The following CCDC170 variants were observed in gnomAD, a reference collection of about 807,000 sequenced individuals.
CCDC170 encodes coiled-coil domain containing 170.
CCDC170 carries 69 observed loss-of-function variants against 72.6 expected under a neutral mutation model. The ratio of observed to expected loss-of-function variants is 0.95; its 90% CI spans 0.78 to 1.16. The LOEUF is 1.16. Among genes scored for constraint, CCDC170 ranks in the 50% most tolerant of loss-of-function variants. The probability of loss-of-function intolerance (pLI) is 0.00; values close to 1 mark genes in which losing one functional copy is unlikely to be tolerated. For missense variants in CCDC170, 852 were observed against 832.5 expected (o/e 1.02, Z -0.29); for synonymous variants, 300 against 303.9 (o/e 0.99, Z 0.13).
At chr6:151,605,451 T>C (rs1776768929) in intron 9 of CCDC170, among the ~76,000 whole-genome samples, 1 of 152,214 alleles carries the variant, frequency 6.6e-6, no homozygotes, top group Admixed American at 6.5e-5. Context: ...CATTCTGATT[T>C]GGCATTTCCT....
At chr6:151,531,885 C>T (rs1263333048) in intron 1 of CCDC170, among the ~76,000 whole-genome samples, 1 of 152,168 alleles carries the variant, frequency 6.6e-6, no homozygotes, top group East Asian at 1.9e-4. Context: ...ACTATGAGAA[C>T]AGGGGTAACT....
At chr6:151,568,664 A>G (rs1776173942) in intron 5 of CCDC170, among the ~76,000 whole-genome samples, 3 of 152,196 alleles carry the variant, frequency 2.0e-5, no homozygotes, top group South Asian at 4.1e-4. Flanking sequence ...ATGGTACTAT[A>G]CTATGTACCA....
chr6:151,529,435 G>A (rs1782460816), intron 1 of CCDC170, among the ~76,000 whole-genome samples: 1 of 152,072 alleles, frequency 6.6e-6, no homozygotes, highest in South Asian at 2.1e-4. Flanking sequence ...GTGGTGGGAG[G>A]ATCACGAGGT....
chr6:151,497,527 G>A (rs2115014822), intron 1 of CCDC170, among the ~76,000 whole-genome samples: 1 of 152,312 alleles, frequency 6.6e-6, no homozygotes, highest in African/African-American at 2.4e-5. Context: ...CAGCCTTACT[G>A]GGATGGAAAA....
chr6:151,553,928 G>C (rs1782927950), intron 5 of CCDC170, among the ~76,000 whole-genome samples: 1 of 152,108 alleles, frequency 6.6e-6, no homozygotes, highest in Non-Finnish European at 1.5e-5. Context: ...TACTTTATTA[G>C]TGAGGTCCAG....
At chr6:151,580,199 C>T (rs1776361005) in intron 6 of CCDC170, among the ~76,000 whole-genome samples, 1 of 152,128 alleles carries the variant, frequency 6.6e-6, no homozygotes, top group African/African-American at 2.4e-5. Context: ...TTCTCCCTCT[C>T]TCCGCTTGAG....
chr6:151,513,315 A>G (rs536881461), intron 1 of CCDC170, among the ~76,000 whole-genome samples: 1 of 152,280 alleles, frequency 6.6e-6, no homozygotes, highest in South Asian at 2.1e-4. Context: ...AAAACACTAT[A>G]AAGAAATGCA....
chr6:151,553,244 A>G (rs1782914642), intron 5 of CCDC170, among the ~76,000 whole-genome samples: 1 of 152,202 alleles, frequency 6.6e-6, no homozygotes. Flanking sequence ...GCTCAAGTTC[A>G]CACAGCTATT....
intron 1 of CCDC170, among the ~76,000 whole-genome samples, chr6:151,533,530 G>A (rs2115043370): frequency 6.6e-6 from 1 of 152,002 alleles, no homozygotes; most frequent in Admixed American, 6.5e-5. Context: ...AGCAGGGCGT[G>A]GTGGCACATG....
At chr6:151,534,633 T>C (rs1035932220) in intron 1 of CCDC170, among the ~76,000 whole-genome samples, 1 of 152,202 alleles carries the variant, frequency 6.6e-6, no homozygotes, top group South Asian at 2.1e-4. Context: ...TTATGCTTTT[T>C]CCCCAGAGTA....
At chr6:151,584,310 A>G (rs1391161323) in intron 6 of CCDC170, among the ~76,000 whole-genome samples, 1 of 151,992 alleles carries the variant, frequency 6.6e-6, no homozygotes, top group Non-Finnish European at 1.5e-5. Flanking sequence ...TTTCTTCTTT[A>G]TTTTGATTAT....
chr6:151,508,127 C>T (rs1036983581), intron 1 of CCDC170, among the ~76,000 whole-genome samples: 3 of 152,150 alleles, frequency 2.0e-5, no homozygotes, highest in Non-Finnish European at 4.4e-5. Context: ...GAGCATTGCT[C>T]TTTTGGAAGA....
intron 7 of CCDC170, among the ~76,000 whole-genome samples, chr6:151,588,829 T>C (rs1177472361): frequency 6.6e-6 from 1 of 152,020 alleles, no homozygotes; most frequent in Non-Finnish European, 1.5e-5. Context: ...TGATCCCAGC[T>C]ACCTGGGAGG....
At chr6:151,551,323 C>A (rs575611814) in intron 5 of CCDC170, among the ~76,000 whole-genome samples, 1 of 152,144 alleles carries the variant, frequency 6.6e-6, no homozygotes, top group Non-Finnish European at 1.5e-5. Flanking sequence ...GGACATTGCC[C>A]TATGTAACCA....
At chr6:151,550,929 C>T (rs2115061370) in intron 5 of CCDC170, among the ~76,000 whole-genome samples, 1 of 152,292 alleles carries the variant, frequency 6.6e-6, no homozygotes, top group East Asian at 1.9e-4. Flanking sequence ...GGGGTTAGGA[C>T]TTCAAAGTAT....
intron 6 of CCDC170, among the ~76,000 whole-genome samples, chr6:151,581,167 C>T (rs997533793): frequency 6.6e-6 from 1 of 152,112 alleles, no homozygotes; most frequent in Non-Finnish European, 1.5e-5. Context: ...TTGAAAACAA[C>T]AATTGACTCT....
chr6:151,582,471 T>C (rs1776392484), intron 6 of CCDC170, among the ~76,000 whole-genome samples: 1 of 152,234 alleles, frequency 6.6e-6, no homozygotes, highest in Non-Finnish European at 1.5e-5. Context: ...GGGAATGTTA[T>C]GGCTGGTTTG....
At chr6:151,566,522 GA>G (rs1267715409) in intron 5 of CCDC170, among the ~76,000 whole-genome samples, 2 of 151,828 alleles carry the variant, frequency 1.3e-5, no homozygotes, top group South Asian at 2.1e-4. Context: ...TGAATGAACA[GA>G]AAAAAATATT....
At position 151,573,183 on chromosome 6, in the gene CCDC170, A is replaced by C. The variant is rs1776248453; in HGVS notation, c.784A>C (p.Ser262Arg). 6.2e-7 allele frequency: 1 copy of C among 1,612,680 alleles called. No homozygotes were observed. The highest frequency in any genetic ancestry group is 8.5e-7 in the Non-Finnish European group (1 of 1,179,524). The change falls in exon 6 of 11, where the codon AGT becomes CGT. Residue 262 changes from serine (S) to arginine (R), a missense_variant. Coordinates refer to ENST00000239374, the MANE Select transcript of CCDC170 (RefSeq NM_025059.4). ...TCTGTAATCATTTTAGGACCTGCTCAGTGCTGTAGAAGCAAAAGAAGCTCT... is the reference window on the plus strand; with the variant it reads ...TCTGTAATCATTTTAGGACCTGCTCCGTGCTGTAGAAGCAAAAGAAGCTCT... ...EKEKLNQDLL[S>R]AVEAKEALER...
Sources: gnomAD v4.1 joint callset for allele counts (sites outside exome capture counted in the v4.1 genomes callset) on GRCh38, gnomAD v4.1.1 for gene constraint, MANE v1.5 for transcripts, NCBI Gene and HGNC (gene_info 2026-07-23, HGNC 2026-07-21) for gene names.